The following DNMT3A variants were observed in gnomAD, a reference collection of about 807,000 sequenced individuals.
DNMT3A encodes DNA (cytosine-5)-methyltransferase 3A.
DNMT3A carries 267 observed loss-of-function variants against 117.6 expected under a neutral mutation model. That is an observed-to-expected ratio of 2.27 (90% CI 2.05 to 2.51). The LOEUF is 2.51. Ranked by LOEUF, DNMT3A falls within the 30% of genes most tolerant of loss-of-function variation. The pLI, the probability that DNMT3A is intolerant of heterozygous loss-of-function variation, is 0.00. For synonymous variants in DNMT3A, 432 were observed against 474.8 expected, an observed-to-expected ratio of 0.91 and a Z score of 1.17; for missense variants, 1,029 against 1,260.2, an observed-to-expected ratio of 0.82 and a Z score of 2.78.
Position 25,228,826 on chromosome 2 carries a change from G to C in DNMT3A, c.*5453C>G, listed in dbSNP as rs997535586. 2 of 152,208 alleles carry C rather than the reference G, an allele frequency of 1.3e-5. No homozygotes were observed. The highest frequency in any genetic ancestry group is 1.3e-4 in the Admixed American group (2 of 15,278). 9.4% of individuals were successfully genotyped at this position (152,208 alleles called of 1,614,324 possible). A position where few individuals can be genotyped will look rare whatever the true frequency, so the allele number is the denominator to read the frequency against. Reference sequence around the variant, plus strand: ...CCAAATCGGTCTGTGAAGTGAAATGGGACTAGGGGATGCTTTAGACCGCTG... The same window carrying C: ...CCAAATCGGTCTGTGAAGTGAAATGCGACTAGGGGATGCTTTAGACCGCTG... On this transcript the variant is annotated 3_prime_UTR_variant, in exon 23 of 23. Transcript: ENST00000321117.
rs969293573 is a variant in DNMT3A at position 25,298,956 on chromosome 2, T to A, written c.177+1183A>T. Among the ~76,000 whole-genome samples the A allele has an allele frequency of 1.5e-5, 2 of 131,610 alleles. No individual in the cohort carries two copies. The highest frequency in any genetic ancestry group is 5.5e-5 in the African/African-American group (2 of 36,120). The allele number at this position is 131,610 out of a possible 152,430, so 86.3% of individuals were successfully genotyped here. A position where few individuals can be genotyped will look rare whatever the true frequency, so the allele number is the denominator to read the frequency against. On this transcript the variant is annotated intron_variant, in intron 3 of 22. Transcript: ENST00000321117. This position sits in a 1 kb window ranked among gnomAD's most constrained non-coding sequence, Gnocchi z 4.3. ...CTCACCACCCCCCCCGCCTCTACTG[T>A]CCCATTTCACTTCAGTCACCTTCAA...
chr2:25,289,398 C>T (rs899029106), intron 3 of DNMT3A, among the ~76,000 whole-genome samples: 5 of 152,210 alleles, frequency 3.3e-5, no homozygotes, highest in East Asian at 1.9e-4. Flanking sequence ...CCGCACCCGG[C>T]CAATCTTATT....
intron 1 of DNMT3A, among the ~76,000 whole-genome samples, chr2:25,322,272 C>T (rs756932422): frequency 5.9e-5 from 9 of 152,012 alleles, no homozygotes; most frequent in Non-Finnish European, 1.2e-4. Context: ...GGCTTACGTC[C>T]CAACTGCAGC....
At chr2:25,275,144 G>A in intron 5 of DNMT3A, 57 bp from the exon 6 acceptor site, 2 of 1,495,398 alleles carry the variant, frequency 1.3e-6, no homozygotes, top group South Asian at 2.5e-5. Context: ...GACCCACCAA[G>A]GAGGCACTCG....
intron 9 of DNMT3A, 129 bp from the exon 10 acceptor site, chr2:25,246,905 G>A (rs572723269): frequency 5.1e-5 from 76 of 1,499,214 alleles, no homozygotes; most frequent in South Asian, 1.4e-4. Flanking sequence ...GAGGAGGAGC[G>A]GGATGTGCAT....
chr2:25,318,934 C>T (rs1207020782), intron 1 of DNMT3A, among the ~76,000 whole-genome samples: 1 of 148,614 alleles, frequency 6.7e-6, no homozygotes, highest in Admixed American at 6.7e-5. Flanking sequence ...CTCCTGACCT[C>T]GTGATCTGCC....
chr2:25,259,029 T>C (rs1369703), intron 6 of DNMT3A, among the ~76,000 whole-genome samples: 72,059 of 152,062 alleles, frequency 0.47, 17,423 homozygotes, highest in Admixed American at 0.57. Flanking sequence ...TCCCCACCTC[T>C]ATCCCAGAGC....
chr2:25,299,421 T>G (rs1438495851), intron 3 of DNMT3A, among the ~76,000 whole-genome samples: 1 of 152,158 alleles, frequency 6.6e-6, no homozygotes, highest in Non-Finnish European at 1.5e-5. Flanking sequence ...GTTCCCTTCC[T>G]CCAGGTGGGG....
At chr2:25,319,838 C>G (rs138112863) in intron 1 of DNMT3A, among the ~76,000 whole-genome samples, 1 of 151,414 alleles carries the variant, frequency 6.6e-6, no homozygotes, top group Non-Finnish European at 1.5e-5. Flanking sequence ...GGCGCATTCT[C>G]GGCTCACCAC....
At chr2:25,326,776 C>T (rs925272889) in intron 1 of DNMT3A, among the ~76,000 whole-genome samples, 4 of 152,214 alleles carry the variant, frequency 2.6e-5, no homozygotes, top group African/African-American at 9.6e-5. Flanking sequence ...TTTCCAGTGC[C>T]CAGCTCCTGC....
At chr2:25,246,087 G>A (rs377740794) in intron 11 of DNMT3A, 23 bp from the exon 12 acceptor site, 19 of 1,614,062 alleles carry the variant, frequency 1.2e-5, no homozygotes, top group Middle Eastern at 1.6e-4. Context: ...GAGAGCTGGC[G>A]TCAGAGGAGG....
chr2:25,256,626 C>G (rs1676159872), intron 6 of DNMT3A, among the ~76,000 whole-genome samples: 1 of 152,204 alleles, frequency 6.6e-6, no homozygotes, highest in African/African-American at 2.4e-5. Flanking sequence ...GCCATCATCC[C>G]AGAAAGTTCT....
intron 22 of DNMT3A, among the ~76,000 whole-genome samples, chr2:25,235,439 C>G (rs1178809018): frequency 2.0e-5 from 3 of 152,176 alleles, no homozygotes; most frequent in Non-Finnish European, 2.9e-5. Flanking sequence ...CCCGCCTCGG[C>G]CTCCCAAAGT....
At chr2:25,289,903 C>T (rs2149390910) in intron 3 of DNMT3A, among the ~76,000 whole-genome samples, 2 of 152,380 alleles carry the variant, frequency 1.3e-5, no homozygotes, top group South Asian at 4.1e-4. Context: ...CTCCTTCACT[C>T]CAGGCAAAGC....
chr2:25,305,654 C>T lies in DNMT3A; in HGVS notation c.73-5411G>A, dbSNP rs1488369261. 1.3e-5 allele frequency among the ~76,000 whole-genome samples: 2 copies of T among 152,138 alleles called. No individual in the cohort carries two copies. Among genetic ancestry groups the T allele is most frequent in the Admixed American group, 1.3e-4 (2 of 15,270 alleles). The stretch of plus-strand genomic sequence containing the variant: ...ACCAAAATTTACATCTTTTGTTTAC[C>T]AGTCCATCGGTCTTTCTACTGCAAC... On this transcript the variant is annotated intron_variant, in intron 2 of 22. Coordinates refer to ENST00000321117, the MANE Select transcript of DNMT3A (RefSeq NM_022552.5). This position sits in a 1 kb window ranked among gnomAD's most constrained non-coding sequence, Gnocchi z 4.1.
rs902700102 is a variant in DNMT3A, at chr2:25,327,682, G to A, written c.-177-13521C>T. On this transcript the variant is annotated intron_variant, in intron 1 of 22. Coordinates refer to ENST00000321117, the MANE Select transcript of DNMT3A (RefSeq NM_022552.5). This position sits in a 1 kb window ranked among gnomAD's most constrained non-coding sequence, Gnocchi z 4.1. ...CTTCCTCTAAGACACCTGGGCATAA[G>A]TTAACATACGCCTCCTACTGCCAGG... is the stretch of plus-strand genomic sequence containing the variant. 6.6e-6 allele frequency among the ~76,000 whole-genome samples: 1 copy of A among 152,194 alleles called. No individual in the cohort carries two copies. Among genetic ancestry groups the A allele is most frequent in the Non-Finnish European group, 1.5e-5 (1 of 68,038 alleles).
intron 17 of DNMT3A, among the ~76,000 whole-genome samples, chr2:25,241,308 A>AT (rs1674000597): frequency 6.6e-6 from 1 of 152,178 alleles, no homozygotes; most frequent in Admixed American, 6.5e-5. Context: ...GCCTCAAGGG[A>AT]TTCTCCTACC....
At chr2:25,272,975 G>GTCTTTTTTTT (rs2031062853) in intron 6 of DNMT3A, among the ~76,000 whole-genome samples, 2 of 38,290 alleles carry the variant, frequency 5.2e-5, no homozygotes, top group Non-Finnish European at 1.0e-4. Context: ...CTAATTGTTT[G>GTCTTTTTTTT]TATTTTTTTT....
rs1390492719 is a variant in DNMT3A, at chr2:25,296,302, G to A, written c.177+3837C>T. 1.3e-5 allele frequency among the ~76,000 whole-genome samples: 2 copies of A among 152,206 alleles called. No homozygotes were observed. The highest frequency in any genetic ancestry group is 2.9e-5 in the Non-Finnish European group (2 of 68,040). The stretch of plus-strand genomic sequence containing the variant: ...AGGCTAGGTTCTACCGGGCTGTGGT[G>A]CTGGGGCAGGCGGAGAGAAGGCAGG... On this transcript the variant is annotated intron_variant, in intron 3 of 22. Coordinates refer to ENST00000321117, the MANE Select transcript of DNMT3A (RefSeq NM_022552.5). This position sits in a 1 kb window ranked among gnomAD's most constrained non-coding sequence, Gnocchi z 4.2.
Sources: allele counts gnomAD v4.1 joint callset (sites outside exome capture counted in the v4.1 genomes callset), GRCh38; gene constraint gnomAD v4.1.1; non-coding constraint Gnocchi (gnomAD v3.1); transcripts MANE v1.5; gene names NCBI Gene and HGNC (gene_info 2026-07-23, HGNC 2026-07-21).